Variants in HIVEP2 observed in about 807,000 individuals in gnomAD.
HIVEP2 encodes the protein HIVEP zinc finger 2.
A neutral mutation model predicts 180.7 loss-of-function variants in HIVEP2; 14 were observed. That is an observed-to-expected ratio of 0.08 (90% CI 0.05 to 0.12). The LOEUF (loss-of-function observed/expected upper bound fraction) is 0.12, where lower values mean the gene tolerates loss of function less well. HIVEP2 is among the 10% of genes least tolerant of loss of function. The pLI is 1.00. For missense variants in HIVEP2, 2,579 were observed against 3,008.5 expected (o/e 0.86, Z 3.34); for synonymous variants, 1,184 against 1,136.4 (o/e 1.04, Z -0.84).
chr6:142,889,038 G>A (rs111955577), intron 1 of HIVEP2, among the ~76,000 whole-genome samples: 9 of 152,080 alleles, frequency 5.9e-5, no homozygotes, highest in Non-Finnish European at 7.4e-5. Flanking sequence ...TTATGTGTTC[G>A]AACTTTCTAT....
intron 1 of HIVEP2, among the ~76,000 whole-genome samples, chr6:142,931,383 A>G (rs1175200382): frequency 6.6e-6 from 1 of 152,084 alleles, no homozygotes; most frequent in Non-Finnish European, 1.5e-5. Flanking sequence ...AATCAACAGA[A>G]AAATATAAAT....
At chr6:142,756,561 T>C (rs1196695642) in intron 9 of HIVEP2, among the ~76,000 whole-genome samples, 2 of 152,160 alleles carry the variant, frequency 1.3e-5, no homozygotes, top group Non-Finnish European at 2.9e-5. Flanking sequence ...GGAATGAATG[T>C]TGACTGTTTC....
intron 1 of HIVEP2, among the ~76,000 whole-genome samples, chr6:142,894,375 C>T (rs894841828): frequency 1.3e-5 from 2 of 152,114 alleles, no homozygotes; most frequent in Non-Finnish European, 2.9e-5. Context: ...CTCAAGAAAA[C>T]CATGTCAACA....
chr6:142,785,309 CAAAAAAAAAAAAAAAA>C (rs57458259), intron 2 of HIVEP2, among the ~76,000 whole-genome samples: 67 of 65,390 alleles, frequency 1.0e-3, no homozygotes, highest in African/African-American at 2.8e-3. Flanking sequence ...TGGCATTCCT[CAAAAAAAAAAAAAAAA>C]AAAAAAAAAA....
At chr6:142,780,323 C>T (rs778414413) in intron 3 of HIVEP2, among the ~76,000 whole-genome samples, 2 of 152,184 alleles carry the variant, frequency 1.3e-5, no homozygotes, top group Non-Finnish European at 2.9e-5. Context: ...GGGACCCCTC[C>T]TCTGATCCAC....
chr6:142,865,477 A>T (rs1304020478), intron 1 of HIVEP2, among the ~76,000 whole-genome samples: 1 of 152,064 alleles, frequency 6.6e-6, no homozygotes, highest in African/African-American at 2.4e-5. Context: ...TGTTACCAGT[A>T]CCTTTTTCTT....
rs572073046 is a variant in HIVEP2, at chr6:142,933,651, C to T, written c.-641+11448G>A. Among the ~76,000 whole-genome samples, 17 of 152,336 alleles carry T rather than the reference C, an allele frequency of 1.1e-4. No individual in the cohort carries two copies. The South Asian group carries it at 3.1e-3, about 28-fold the overall frequency. On this transcript the variant is annotated intron_variant, in intron 1 of 9. Transcript: ENST00000367603. ...CATCATTAGGTTTCACATTAGCAAACTCCCACCAAACATAGCCAAAAACCA... is the reference window on the plus strand; with the variant it reads ...CATCATTAGGTTTCACATTAGCAAATTCCCACCAAACATAGCCAAAAACCA...
intron 1 of HIVEP2, among the ~76,000 whole-genome samples, chr6:142,903,952 C>T (rs1777198144): frequency 6.6e-6 from 1 of 152,180 alleles, no homozygotes; most frequent in African/African-American, 2.4e-5. Context: ...CCAGAAGTGT[C>T]CTAACAGTGA....
chr6:142,853,204 A>G (rs893215201), intron 1 of HIVEP2, among the ~76,000 whole-genome samples: 1 of 151,316 alleles, frequency 6.6e-6, no homozygotes, highest in Non-Finnish European at 1.5e-5. Flanking sequence ...CCAGATATCT[A>G]TTTTTTTTTC....
intron 1 of HIVEP2, among the ~76,000 whole-genome samples, chr6:142,856,123 G>A (rs1366363282): frequency 3.3e-5 from 5 of 151,566 alleles, no homozygotes; most frequent in Non-Finnish European, 5.9e-5. Flanking sequence ...CCATTCTCTC[G>A]TTACTTTTTA....
rs117048980 is a variant in HIVEP2, at chr6:142,900,793, T to C, written c.-641+44306A>G. On this transcript the variant is annotated intron_variant, in intron 1 of 9. Coordinates refer to ENST00000367603, the MANE Select transcript of HIVEP2 (RefSeq NM_006734.4). Reference sequence around the variant, plus strand: ...GCCTCCTTGCACAAAGACCTTATTATAATACACACATAAAAATGCGTGGGC... The same window carrying C: ...GCCTCCTTGCACAAAGACCTTATTACAATACACACATAAAAATGCGTGGGC... Among the ~76,000 whole-genome samples, 25 of 152,294 alleles carry C rather than the reference T, an allele frequency of 1.6e-4. 2 individuals carry two copies. The East Asian group carries it at 4.4e-3, about 27-fold the overall frequency.
Position 142,760,211 on chromosome 6 carries a change from C to T in HIVEP2, c.6077G>A (p.Cys2026Tyr), listed in dbSNP as rs781641260. The T allele has an allele frequency of 6.2e-7, 1 of 1,614,036 alleles. No homozygotes were observed. The highest frequency in any genetic ancestry group is 2.2e-5 in the East Asian group (1 of 44,886). ...LDIPSCMDEECMLPSEPSSSP... is the reference protein window; with the variant it reads ...LDIPSCMDEEYMLPSEPSSSP... ...GGAGCTTGGCTCTGAAGGTAGCATG[C>T]ACTCCTCATCCATACAACTAGGTAT... The change falls in exon 9 of 10, where the codon TGC becomes TAC. Residue 2026 changes from cysteine (C) to tyrosine (Y), a missense_variant. Transcript: ENST00000367603.
intron 1 of HIVEP2, among the ~76,000 whole-genome samples, chr6:142,896,012 T>C (rs1776980226): frequency 6.6e-6 from 1 of 152,216 alleles, no homozygotes; most frequent in South Asian, 2.1e-4. Flanking sequence ...ATCAGAAGTT[T>C]TCATTTAATA....
intron 1 of HIVEP2, among the ~76,000 whole-genome samples, chr6:142,866,867 CT>C (rs1776153543): frequency 1.3e-5 from 2 of 152,114 alleles, no homozygotes; most frequent in African/African-American, 2.4e-5. Flanking sequence ...TACAATTTCC[CT>C]TTGCCATTAA....
At chr6:142,769,487 A>G in intron 5 of HIVEP2, 65 bp downstream of exon 5, 1 of 1,383,736 alleles carries the variant, frequency 7.2e-7, no homozygotes, top group South Asian at 1.3e-5. Flanking sequence ...TATATCCTTC[A>G]CTATGTAGTC....
intron 1 of HIVEP2, among the ~76,000 whole-genome samples, chr6:142,851,824 A>G (rs1385030716): frequency 6.6e-6 from 1 of 152,238 alleles, no homozygotes; most frequent in Non-Finnish European, 1.5e-5. Context: ...GTATTGAACC[A>G]TTCCTGATTA....
rs1165423422 is a variant in HIVEP2 at position 142,792,170 on chromosome 6, A to T, written c.-527-8555T>A. Among the ~76,000 whole-genome samples, 5 of 152,278 alleles carry T rather than the reference A, an allele frequency of 3.3e-5. No individual in the cohort carries two copies. The East Asian group carries it at 9.7e-4, about 29-fold the overall frequency. On this transcript the variant is annotated intron_variant, in intron 2 of 9. Transcript: ENST00000367603. ...GAGAGACATCAGTGGTTCTGAGAAG[A>T]CAACTGCCACAGTCACAGAGACACT...
intron 2 of HIVEP2, among the ~76,000 whole-genome samples, chr6:142,812,123 G>A (rs998184218): frequency 2.0e-5 from 3 of 152,220 alleles, no homozygotes; most frequent in African/African-American, 4.8e-5. Context: ...TGGAAGTCCA[G>A]GGAGCCGAAG....
chr6:142,829,640 C>T (rs550201500), intron 2 of HIVEP2, among the ~76,000 whole-genome samples: 60 of 152,318 alleles, frequency 3.9e-4, no homozygotes, highest in African/African-American at 1.4e-3. Flanking sequence ...CTCCACAGCA[C>T]CAAAACACTA....
Sources: gnomAD v4.1 joint callset for allele counts (sites outside exome capture counted in the v4.1 genomes callset) on GRCh38, gnomAD v4.1.1 for gene constraint, MANE v1.5 for transcripts, NCBI Gene and HGNC (gene_info 2026-07-23, HGNC 2026-07-21) for gene names.